Variants in L3MBTL3 observed in about 807,000 individuals in gnomAD.
L3MBTL3 encodes the protein L3MBTL histone methyl-lysine binding protein 3, also known as lethal(3)malignant brain tumor-like protein 3.
L3MBTL3 carries 27 observed loss-of-function variants against 102.3 expected under a neutral mutation model. The observed-to-expected ratio is 0.26, with a 90% CI of 0.19 to 0.36. The LOEUF (loss-of-function observed/expected upper bound fraction) is 0.36. Ranked by LOEUF, L3MBTL3 falls within the 10% of genes least tolerant of loss-of-function variation. The pLI is 1.00. For synonymous variants in L3MBTL3, 340 were observed against 320.9 expected (o/e 1.06, Z -0.64); for missense variants, 798 against 955.3 (o/e 0.84, Z 2.17).
At chr6:130,035,543 A>C (rs773334604) in intron 2 of L3MBTL3, among the ~76,000 whole-genome samples, 8 of 152,246 alleles carry the variant, frequency 5.3e-5, no homozygotes, top group African/African-American at 9.6e-5. Flanking sequence ...ATTGTTTCAC[A>C]AAGCAGGGAC....
chr6:130,099,633 G>C (rs907338796), intron 18 of L3MBTL3, among the ~76,000 whole-genome samples: 3 of 152,118 alleles, frequency 2.0e-5, no homozygotes, highest in African/African-American at 7.2e-5. Context: ...AATTGCTTGT[G>C]AATTTTACCC....
At chr6:130,127,324 A>G (rs1237618419) in intron 20 of L3MBTL3, among the ~76,000 whole-genome samples, 1 of 152,206 alleles carries the variant, frequency 6.6e-6, no homozygotes, top group Non-Finnish European at 1.5e-5. Flanking sequence ...CAGAGAGACC[A>G]GGGCATGGGG....
Position 130,101,666 on chromosome 6 carries a change from G to T in L3MBTL3, c.1737-2760G>T, listed in dbSNP as rs532846084. ...TGGCGTGAGGGCCACATGCCCAGCA[G>T]CCTCCTCCTGTGCAGATCGTTTTGA... On this transcript the variant is annotated intron_variant, in intron 18 of 22. Transcript: ENST00000361794. 2.6e-5 allele frequency among the ~76,000 whole-genome samples: 4 copies of T among 152,332 alleles called. 1 individual carries two copies. In the South Asian group the frequency reaches 8.3e-4, roughly 32 times the overall value.
chr6:130,125,045 G>A lies in L3MBTL3; in HGVS notation c.1966+4087G>A, dbSNP rs561703869. 4.6e-5 allele frequency among the ~76,000 whole-genome samples: 7 copies of A among 152,244 alleles called. No homozygotes were observed. The Middle Eastern group carries it at 0.01, about 223-fold the overall frequency. On this transcript the variant is annotated intron_variant, in intron 20 of 22. Coordinates refer to ENST00000361794, the MANE Select transcript of L3MBTL3 (RefSeq NM_032438.4). ...CATGGCACAGGACAGTTAAACAGTCGTCTTAGTACTGGAGCGGGGTCCTGG... is the reference window on the plus strand; with the variant it reads ...CATGGCACAGGACAGTTAAACAGTCATCTTAGTACTGGAGCGGGGTCCTGG...
intron 19 of L3MBTL3, among the ~76,000 whole-genome samples, chr6:130,112,566 A>G (rs1201634296): frequency 1.3e-5 from 2 of 152,154 alleles, no homozygotes; most frequent in African/African-American, 4.8e-5. Context: ...AGAAATGACA[A>G]TGTTTGTGTC....
At chr6:130,135,753 A>C (rs538547151) in intron 22 of L3MBTL3, among the ~76,000 whole-genome samples, 197 of 152,268 alleles carry the variant, frequency 1.3e-3, no homozygotes, top group African/African-American at 4.5e-3. Flanking sequence ...TTACTCCTTC[A>C]TTCATTCATC....
chr6:130,102,746 C>G (rs1784772961), intron 18 of L3MBTL3, among the ~76,000 whole-genome samples: 1 of 152,206 alleles, frequency 6.6e-6, no homozygotes, highest in Non-Finnish European at 1.5e-5. Context: ...GGATCTTCTT[C>G]CTGACCATTA....
chr6:130,073,761 T>C (rs563468456), intron 13 of L3MBTL3, among the ~76,000 whole-genome samples: 188 of 152,246 alleles, frequency 1.2e-3, no homozygotes, highest in African/African-American at 4.4e-3. Context: ...TCCTGGATTC[T>C]AAAAAGATCC....
intron 3 of L3MBTL3, among the ~76,000 whole-genome samples, chr6:130,043,928 AGGAGATTGGGTTTTCAGT>A (rs1780580417): frequency 6.6e-6 from 1 of 152,178 alleles, no homozygotes; most frequent in Non-Finnish European, 1.5e-5. Context: ...GAATCTGGAG[AGGAGATTGGGTTTTCAGT>A]TTTAGCTCTG....
At chr6:130,131,777 T>C (rs1787069560) in intron 20 of L3MBTL3, among the ~76,000 whole-genome samples, 1 of 152,226 alleles carries the variant, frequency 6.6e-6, no homozygotes, top group South Asian at 2.1e-4. Context: ...ACATGACAAT[T>C]GTAAACTGTC....
chr6:130,101,328 A>G (rs1016569801), intron 18 of L3MBTL3, among the ~76,000 whole-genome samples: 11 of 152,204 alleles, frequency 7.2e-5, no homozygotes, highest in African/African-American at 2.4e-4. Flanking sequence ...TTGTTTTTAA[A>G]CATATTTATT....
rs749689075 is a variant in L3MBTL3, at chr6:130,066,357, G to T, written c.869G>T (p.Cys290Phe). ...VYCVLTVAEV[C>F]GYRIKLHFDG... ...AACCTATTTTACCTGTTTCAGGTTTGTGGATACCGGATAAAGCTTCACTTT... is the reference window on the plus strand; with the variant it reads ...AACCTATTTTACCTGTTTCAGGTTTTTGGATACCGGATAAAGCTTCACTTT... Residue 290 changes from cysteine to phenylalanine, a missense_variant, in exon 11 of 23, where the codon TGT (cysteine) becomes TTT (phenylalanine). This residue lies in a region of L3MBTL3 where 434 missense variants were observed against 506.6 expected (regional missense o/e 0.86). Coordinates refer to ENST00000361794, the MANE Select transcript of L3MBTL3 (RefSeq NM_032438.4). The T allele has an allele frequency of 6.3e-7, 1 of 1,586,660 alleles. No individual in the cohort carries two copies.
chr6:130,112,857 A>G (rs919147683), intron 19 of L3MBTL3, among the ~76,000 whole-genome samples: 1 of 152,192 alleles, frequency 6.6e-6, no homozygotes, highest in Non-Finnish European at 1.5e-5. Context: ...CAGAAATGTG[A>G]GTATGCAATC....
At chr6:130,130,175 G>GT (rs1421162251) in intron 20 of L3MBTL3, among the ~76,000 whole-genome samples, 2 of 152,190 alleles carry the variant, frequency 1.3e-5, no homozygotes, top group African/African-American at 4.8e-5. Context: ...GGGCTTTGGT[G>GT]TTTTTAGTCA....
chr6:130,092,728 G>A lies in L3MBTL3; in HGVS notation c.1519-17G>A. On this transcript the variant is annotated splice_polypyrimidine_tract_variant and intron_variant, in intron 16 of 22. Coordinates refer to ENST00000361794, the MANE Select transcript of L3MBTL3 (RefSeq NM_032438.4). ...TTATGACTTAATTTGTACTGTTAAT[G>A]TCCTTGTGTCATCCAGGTTCACTTT... The A allele has an allele frequency of 1.3e-6, 2 of 1,510,408 alleles. No individual in the cohort carries two copies. The highest frequency in any genetic ancestry group is 1.8e-6 in the Non-Finnish European group (2 of 1,086,358). 93.6% of individuals were successfully genotyped at this position (1,510,408 alleles called of 1,614,324 possible). A position where few individuals can be genotyped will look rare whatever the true frequency, so the allele number is the denominator to read the frequency against.
intron 1 of L3MBTL3, among the ~76,000 whole-genome samples, chr6:130,020,283 G>A (rs1738900164): frequency 6.6e-6 from 1 of 151,118 alleles, no homozygotes; most frequent in South Asian, 2.1e-4. Flanking sequence ...GGAAGCGCAG[G>A]AGCCGAGGCA....
chr6:130,106,342 G>T (rs1784979332), intron 19 of L3MBTL3, among the ~76,000 whole-genome samples: 1 of 152,012 alleles, frequency 6.6e-6, no homozygotes, highest in Non-Finnish European at 1.5e-5. Flanking sequence ...AAAATGAGTG[G>T]GTTTGAAAGT....
chr6:130,132,698 G>A (rs1181638598), intron 20 of L3MBTL3, among the ~76,000 whole-genome samples: 3 of 152,078 alleles, frequency 2.0e-5, no homozygotes, highest in Non-Finnish European at 2.9e-5. Flanking sequence ...GAGAATGGCC[G>A]TTTTAGGAAA....
At chr6:130,139,321 C>T (rs1788063895) in intron 22 of L3MBTL3, among the ~76,000 whole-genome samples, 2 of 152,186 alleles carry the variant, frequency 1.3e-5, no homozygotes, top group Admixed American at 1.3e-4. Context: ...CCATATTCTT[C>T]TTAACTCTAC....
Sources: gnomAD v4.1 joint callset for allele counts (sites outside exome capture counted in the v4.1 genomes callset) on GRCh38, gnomAD v4.1.1 for gene constraint, gnomAD v4.1.1 regional missense constraint, MANE v1.5 for transcripts, NCBI Gene and HGNC (gene_info 2026-07-23, HGNC 2026-07-21) for gene names.